ELOVL7: variants seen among roughly 807,000 people sequenced by gnomAD.
ELOVL7 encodes very long chain fatty acid elongase 7.
A neutral mutation model predicts 35.7 loss-of-function variants in ELOVL7; 27 were observed. That is an observed-to-expected ratio of 0.76 (90% CI 0.56 to 1.04). The LOEUF (loss-of-function observed/expected upper bound fraction) is 1.04. ELOVL7 is among the 50% of genes least tolerant of loss of function. ELOVL7 has a pLI of 0.00. For missense variants in ELOVL7, 327 were observed against 340.8 expected (o/e 0.96, Z 0.32); for synonymous variants, 113 against 114.6 (o/e 0.99, Z 0.09).
At chr5:60,776,114 TAAATC>T (rs1399807173) in intron 3 of ELOVL7, among the ~76,000 whole-genome samples, 1 of 151,984 alleles carries the variant, frequency 6.6e-6, no homozygotes, top group Non-Finnish European at 1.5e-5. Flanking sequence ...ACAAGAAACT[TAAATC>T]AACAAGAAAA....
intron 1 of ELOVL7, among the ~76,000 whole-genome samples, chr5:60,827,676 T>C (rs1234836904): frequency 6.6e-6 from 1 of 152,172 alleles, no homozygotes; most frequent in Non-Finnish European, 1.5e-5. Flanking sequence ...CATGAAAGAA[T>C]TGCCCAGAAG....
intron 1 of ELOVL7, among the ~76,000 whole-genome samples, chr5:60,807,163 T>C (rs1744977523): frequency 2.0e-5 from 3 of 151,986 alleles, no homozygotes; most frequent in African/African-American, 7.3e-5. Context: ...ATCCTAATTT[T>C]GTTTTTTTTT....
chr5:60,810,552 T>C (rs1441819833), intron 1 of ELOVL7, among the ~76,000 whole-genome samples: 1 of 152,228 alleles, frequency 6.6e-6, no homozygotes, highest in Non-Finnish European at 1.5e-5. Context: ...TACTAAATTA[T>C]ACAAATATGC....
At chr5:60,832,386 G>C (rs1233701569) in intron 1 of ELOVL7, among the ~76,000 whole-genome samples, 1 of 150,658 alleles carries the variant, frequency 6.6e-6, no homozygotes, top group Admixed American at 6.6e-5. Flanking sequence ...TTTTTTTTGA[G>C]ACGGAGTCTC....
chr5:60,824,872 G>A (rs938413065), intron 1 of ELOVL7, among the ~76,000 whole-genome samples: 4 of 152,022 alleles, frequency 2.6e-5, no homozygotes, highest in African/African-American at 9.7e-5. Flanking sequence ...CACAATAAAA[G>A]TCAAAGTTCT....
intron 7 of ELOVL7, among the ~76,000 whole-genome samples, chr5:60,760,123 G>C (rs1185802538): frequency 6.6e-6 from 1 of 152,214 alleles, no homozygotes; most frequent in Non-Finnish European, 1.5e-5. Context: ...CTTTATAGCA[G>C]CATGATTTAT....
chr5:60,835,391 G>A (rs1318653174), intron 1 of ELOVL7, among the ~76,000 whole-genome samples: 1 of 151,772 alleles, frequency 6.6e-6, no homozygotes, highest in African/African-American at 2.4e-5. Flanking sequence ...TATTTTTCAA[G>A]TTTTTACAAT....
chr5:60,793,566 G>A (rs1744069669), intron 2 of ELOVL7, among the ~76,000 whole-genome samples: 1 of 152,186 alleles, frequency 6.6e-6, no homozygotes, highest in African/African-American at 2.4e-5. Context: ...AAATGAAGCA[G>A]AGACTTAAAA....
intron 2 of ELOVL7, among the ~76,000 whole-genome samples, chr5:60,792,615 C>T (rs1043919354): frequency 1.3e-5 from 2 of 152,058 alleles, no homozygotes; most frequent in African/African-American, 4.8e-5. Context: ...GCCTGTAGTT[C>T]CAGCTACACG....
intron 1 of ELOVL7, among the ~76,000 whole-genome samples, chr5:60,826,983 A>G (rs1746205500): frequency 6.6e-6 from 1 of 152,200 alleles, no homozygotes; most frequent in Admixed American, 6.5e-5. Context: ...AAGGTGTCTC[A>G]ATTCTCTTTA....
At chr5:60,807,935 G>A (rs1228681641) in intron 1 of ELOVL7, among the ~76,000 whole-genome samples, 1 of 145,578 alleles carries the variant, frequency 6.9e-6, no homozygotes, top group African/African-American at 2.5e-5. Context: ...GGAGGCAGAG[G>A]CTGCAGTGAG....
rs1365878846 is a variant in ELOVL7 at position 60,754,828 on chromosome 5, C to G, written c.642G>C (p.Gln214His). 1 of 1,613,340 alleles carries G rather than the reference C, an allele frequency of 6.2e-7. No individual in the cohort carries two copies. The highest frequency in any genetic ancestry group is 2.2e-5 in the East Asian group (1 of 44,888). ...TTATGTGGATGGCGACAATAACAAA[C>G]TGGACCTAAGAAATGAAAACGTGAA... ...KKYLTSLQLV[Q>H]FVIVAIHISQ... The change falls in exon 9 of 9, where the codon CAG (glutamine) becomes CAC (histidine). Residue 214 changes from glutamine to histidine, a missense_variant. Coordinates refer to ENST00000508821, the MANE Select transcript of ELOVL7 (RefSeq NM_024930.3).
intron 2 of ELOVL7, among the ~76,000 whole-genome samples, chr5:60,794,281 A>G (rs981552989): frequency 2.6e-5 from 4 of 152,260 alleles, no homozygotes; most frequent in Admixed American, 2.6e-4. Flanking sequence ...CCTTCTTCGT[A>G]GAGCAGAAAT....
chr5:60,839,506 G>C (rs1477903100), intron 1 of ELOVL7, among the ~76,000 whole-genome samples: 1 of 152,148 alleles, frequency 6.6e-6, no homozygotes, highest in Admixed American at 6.5e-5. Flanking sequence ...ATGCCCAACT[G>C]GTATTAGTTT....
At chr5:60,837,318 G>GGGGGGGGGGGGGGGGGGGGGGGGC (rs1746872305) in intron 1 of ELOVL7, among the ~76,000 whole-genome samples, 1 of 126,592 alleles carries the variant, frequency 7.9e-6, no homozygotes, top group African/African-American at 2.9e-5. Flanking sequence ...GGGGGGGTGG[G>GGGGGGGGGGGGGGGGGGGGGGGGC]GGGGGAGTGG....
chr5:60,758,952 C>T (rs1741712755), intron 7 of ELOVL7, among the ~76,000 whole-genome samples: 1 of 152,086 alleles, frequency 6.6e-6, no homozygotes, highest in African/African-American at 2.4e-5. Context: ...AATTCATAAA[C>T]ACTATGAATT....
chr5:60,751,897 G>A lies in ELOVL7; in HGVS notation c.*2727C>T, dbSNP rs1379167046. On this transcript the variant is annotated 3_prime_UTR_variant, in exon 9 of 9. Transcript: ENST00000508821. ...CTTTAAAAAGTTAGCAGAAATAAAGGGTAATGGAAAGAATATAATCTCGTA... is the reference window on the plus strand; with the variant it reads ...CTTTAAAAAGTTAGCAGAAATAAAGAGTAATGGAAAGAATATAATCTCGTA... 1 of 152,030 alleles carries A rather than the reference G, an allele frequency of 6.6e-6. No homozygotes were observed. 9.4% of individuals were successfully genotyped at this position (152,030 alleles called of 1,614,324 possible).
At chr5:60,792,586 G>C (rs780705657) in intron 2 of ELOVL7, among the ~76,000 whole-genome samples, 2 of 152,178 alleles carry the variant, frequency 1.3e-5, no homozygotes, top group African/African-American at 4.8e-5. Context: ...TAGGAGGCAA[G>C]CCTGGCATGG....
chr5:60,785,671 T>C (rs1743531537), intron 3 of ELOVL7, among the ~76,000 whole-genome samples: 1 of 152,216 alleles, frequency 6.6e-6, no homozygotes, highest in South Asian at 2.1e-4. Flanking sequence ...TGAGAACTAC[T>C]GTAAACCTTC....
Sources: allele counts gnomAD v4.1 joint callset (sites outside exome capture counted in the v4.1 genomes callset), GRCh38; gene constraint gnomAD v4.1.1; transcripts MANE v1.5; gene names NCBI Gene and HGNC (gene_info 2026-07-23, HGNC 2026-07-21).